The following C1QTNF6 variants were observed in gnomAD, a reference collection of about 807,000 sequenced individuals.
C1QTNF6 encodes the protein complement C1q tumor necrosis factor-related protein 6.
A neutral mutation model predicts 20.7 loss-of-function variants in C1QTNF6; 17 were observed. The ratio of observed to expected loss-of-function variants is 0.82; its 90% CI spans 0.56 to 1.23. C1QTNF6 has a LOEUF of 1.23. Ranked by LOEUF, C1QTNF6 falls within the 50% of genes most tolerant of loss-of-function variation. C1QTNF6 has a pLI of 0.00. For synonymous variants in C1QTNF6, 130 were observed against 156.3 expected, an observed-to-expected ratio of 0.83 and a Z score of 1.25; for missense variants, 329 against 389.7, an observed-to-expected ratio of 0.84 and a Z score of 1.31.
intron 1 of C1QTNF6, 144 bp from the exon 2 acceptor site, chr22:37,185,599 G>A (rs918396482): frequency 9.5e-6 from 13 of 1,367,752 alleles, no homozygotes; most frequent in African/African-American, 1.5e-5. Context: ...CCATCTATCA[G>A]ACAAGAAGAC....
At chr22:37,192,447 G>C (rs866279439), upstream of C1QTNF6, among the ~76,000 whole-genome samples, 1 of 148,058 alleles carries the variant, frequency 6.8e-6, no homozygotes, top group Non-Finnish European at 1.5e-5. Context: ...TGGCTAACTC[G>C]ACAAGTCCCC....
upstream of C1QTNF6, among the ~76,000 whole-genome samples, chr22:37,190,376 G>C (rs1239462956): frequency 3.9e-5 from 6 of 152,184 alleles, no homozygotes; most frequent in East Asian, 5.8e-4. Flanking sequence ...TTAAAGCTTT[G>C]AGCCCAGCCA....
At chr22:37,189,952 G>A (rs1924702653), upstream of C1QTNF6, among the ~76,000 whole-genome samples, 1 of 152,192 alleles carries the variant, frequency 6.6e-6, no homozygotes, top group South Asian at 2.1e-4. Context: ...TGCTAGATGA[G>A]CTGATACGGA....
chr22:37,194,399 G>A (rs368677614), intron 2 of C1QTNF6, among the ~76,000 whole-genome samples: 2 of 152,170 alleles, frequency 1.3e-5, no homozygotes, highest in South Asian at 4.1e-4. Flanking sequence ...TTGCAGGAGA[G>A]ACAAACAGTG....
intron 2 of C1QTNF6, among the ~76,000 whole-genome samples, chr22:37,194,911 C>T (rs191032599): frequency 6.0e-4 from 92 of 152,252 alleles, no homozygotes; most frequent in African/African-American, 2.0e-3. Flanking sequence ...CATTGCCTGC[C>T]GGGGGGTGGA....
rs1003448148 is a variant in C1QTNF6, at chr22:37,185,854, C to T, written c.52-399G>A. 206 of 991,260 alleles carry T rather than the reference C, an allele frequency of 2.1e-4. 1 individual carries two copies. Among genetic ancestry groups the T allele is most frequent in the Non-Finnish European group, 2.2e-4 (186 of 834,030 alleles). 61.4% of individuals were successfully genotyped at this position (991,260 alleles called of 1,614,324 possible). On this transcript the variant is annotated intron_variant, in intron 1 of 2. Coordinates refer to ENST00000337843, the MANE Select transcript of C1QTNF6 (RefSeq NM_031910.4). Reference sequence around the variant, plus strand: ...TGGCAACCCAGGAGACCGTCAGATGCTTTCCCGCCCGCGCACCTCCCTCTG... The same window carrying T: ...TGGCAACCCAGGAGACCGTCAGATGTTTTCCCGCCCGCGCACCTCCCTCTG...
intron 1 of C1QTNF6, among the ~76,000 whole-genome samples, chr22:37,186,899 A>T (rs776186492): frequency 3.9e-5 from 6 of 152,142 alleles, no homozygotes; most frequent in Non-Finnish European, 7.3e-5. Context: ...TCAGCTGAGC[A>T]CTGAGGTGAG....
At chr22:37,186,134 G>C (rs1197235142) in intron 1 of C1QTNF6, 2 of 985,392 alleles carry the variant, frequency 2.0e-6, no homozygotes, top group Non-Finnish European at 2.4e-6. Flanking sequence ...CGCGGTGATG[G>C]TGTCATTGCA....
intron 1 of C1QTNF6, chr22:37,186,115 G>C (rs1008630799): frequency 1.9e-4 from 183 of 985,430 alleles, no homozygotes; most frequent in Admixed American, 3.7e-4. Context: ...GAGAGCATGT[G>C]GGGTGGTGCG....
intron 1 of C1QTNF6, among the ~76,000 whole-genome samples, chr22:37,187,538 TC>T (rs11330876): frequency 0.22 from 33,407 of 150,866 alleles, 4,123 homozygotes; most frequent in East Asian, 0.58. Flanking sequence ...TGGAAGGATT[TC>T]AATGCAGGAA....
In C1QTNF6 at chr22:37,184,522, C is replaced by CCCTCACCTGGACAGG. The variant is rs1555901506; in HGVS notation, c.289+695_289+696insCCTGTCCAGGTGAGG. The CCCTCACCTGGACAGG allele has an allele frequency of 2.8e-6, 2 of 710,432 alleles. No individual in the cohort carries two copies. Among genetic ancestry groups the CCCTCACCTGGACAGG allele is most frequent in the Non-Finnish European group, 5.2e-6 (2 of 382,792 alleles). 44.0% of individuals were successfully genotyped at this position (710,432 alleles called of 1,614,324 possible). A position where few individuals can be genotyped will look rare whatever the true frequency, so the allele number is the denominator to read the frequency against. ...CCTGGACGGGCCCTCACCTGGACAG[C>CCCTCACCTGGACAGG]CCTCACCTGGACAGCCCTCACCTGG... On this transcript the variant is annotated intron_variant, in intron 2 of 2. Coordinates refer to ENST00000337843, the MANE Select transcript of C1QTNF6 (RefSeq NM_031910.4). This position sits in a 1 kb window ranked among gnomAD's most constrained non-coding sequence, Gnocchi z 4.0.
At chr22:37,188,328 G>A (rs1924563074), upstream of C1QTNF6, 3 of 901,302 alleles carry the variant, frequency 3.3e-6, no homozygotes, top group Admixed American at 3.0e-5. Flanking sequence ...CGGAGGGAGG[G>A]CGGAGGGAGA....
In C1QTNF6 at chr22:37,185,388, T is replaced by G; in HGVS notation, c.119A>C (p.Glu40Ala). The G allele has an allele frequency of 6.2e-7, 1 of 1,613,392 alleles. No individual in the cohort carries two copies. The highest frequency in any genetic ancestry group is 8.5e-7 in the Non-Finnish European group (1 of 1,179,780). The change falls in exon 2 of 3, where the codon GAG becomes GCG. Residue 40 changes from glutamate (E) to alanine (A), a missense_variant. Physicochemically the swap from Glu to Ala is moderately radical, Grantham distance 107. Transcript: ENST00000337843. ...AALLLFLLMC[E>A]IPMVELTFDR... ...AAAGGTGAGCTCCACCATAGGGATC[T>G]CACACATCAGGAGAAAGAGCAGGAG...
At chr22:37,199,406 C>A (rs1315225585), upstream of C1QTNF6, 1 of 152,404 alleles carries the variant, frequency 6.6e-6, no homozygotes, top group African/African-American at 2.4e-5. Flanking sequence ...GGCGGAGCCA[C>A]AGCCGCGCCG....
At chr22:37,193,980 G>A (rs377129503) in intron 2 of C1QTNF6, among the ~76,000 whole-genome samples, 2 of 152,194 alleles carry the variant, frequency 1.3e-5, no homozygotes, top group African/African-American at 4.8e-5. Flanking sequence ...TTCCTGGAAG[G>A]AGCCCAGAGA....
chr22:37,191,689 A>T (rs1924831849), upstream of C1QTNF6: 1 of 152,186 alleles, frequency 6.6e-6, no homozygotes, highest in Admixed American at 6.5e-5. Context: ...GGGAAGACTT[A>T]GCTTTCCAAA....
intron 2 of C1QTNF6, among the ~76,000 whole-genome samples, chr22:37,185,011 G>A (rs965582832): frequency 3.9e-5 from 6 of 152,038 alleles, no homozygotes; most frequent in East Asian, 1.9e-4. Context: ...TCTCCCCACC[G>A]AGAACGGGTG....
At chr22:37,188,448 T>C (rs1288193901), upstream of C1QTNF6, 1 of 437,394 alleles carries the variant, frequency 2.3e-6, no homozygotes, top group Non-Finnish European at 4.1e-6. Flanking sequence ...TCTTTGGTGA[T>C]CCAGTGGGGT....
intron 2 of C1QTNF6, among the ~76,000 whole-genome samples, chr22:37,193,524 A>G (rs1353523222): frequency 6.6e-6 from 1 of 152,234 alleles, no homozygotes; most frequent in South Asian, 2.1e-4. Flanking sequence ...GAGAAAAAAA[A>G]GCATAAAGGC....
Sources: gnomAD v4.1 joint callset for allele counts (sites outside exome capture counted in the v4.1 genomes callset) on GRCh38, gnomAD v4.1.1 for gene constraint, Gnocchi (gnomAD v3.1) non-coding constraint, MANE v1.5 for transcripts, NCBI Gene and HGNC (gene_info 2026-07-23, HGNC 2026-07-21) for gene names.